TRIM5: variants seen among roughly 807,000 people sequenced by gnomAD.
The protein encoded by TRIM5 is tripartite motif-containing protein 5.
Under a neutral mutation model 35.6 loss-of-function variants are expected in TRIM5, and 31 were observed. The ratio of observed to expected loss-of-function variants is 0.87; its 90% CI spans 0.65 to 1.18. The LOEUF is 1.18. Among genes scored for constraint, TRIM5 ranks in the 50% most tolerant of loss-of-function variants. TRIM5 has a pLI of 0.00. For missense variants in TRIM5, 609 were observed against 591.6 expected (o/e 1.03, Z -0.31); for synonymous variants, 243 against 215.6 (o/e 1.13, Z -1.11).
At chr11:5,641,088 T>C in the TRIM5 span, 1 of 1,491,788 alleles carries the variant, frequency 6.7e-7, no homozygotes, top group South Asian at 1.4e-5. Context: ...CCATTTTTTT[T>C]CCTACTGTTC....
At chr11:5,629,167 C>G in the TRIM5 span, among the ~76,000 whole-genome samples, 1 of 152,148 alleles carries the variant, frequency 6.6e-6, no homozygotes, top group African/African-American at 2.4e-5. Flanking sequence ...ATCCCAGCTA[C>G]TCAGGAGACT....
chr11:5,616,618 C>G, the TRIM5 span, among the ~76,000 whole-genome samples: 16 of 145,250 alleles, frequency 1.1e-4, no homozygotes, highest in South Asian at 3.4e-3. Flanking sequence ...TTTATTTCAA[C>G]CATCTTTTAG....
the TRIM5 span, among the ~76,000 whole-genome samples, chr11:5,602,268 A>G: frequency 2.3e-3 from 310 of 134,706 alleles, no homozygotes; most frequent in African/African-American, 7.0e-3. Context: ...GTGAAACCTC[A>G]TCTCTACTAA....
the TRIM5 span, among the ~76,000 whole-genome samples, chr11:5,622,088 A>C: frequency 8.1e-4 from 123 of 152,312 alleles, no homozygotes; most frequent in African/African-American, 2.9e-3. Context: ...AAAATAACAA[A>C]AAGACATTAA....
the TRIM5 span, among the ~76,000 whole-genome samples, chr11:5,594,930 G>A: frequency 6.6e-6 from 1 of 152,264 alleles, no homozygotes; most frequent in East Asian, 1.9e-4. Context: ...CAATATGGAG[G>A]CAGCCATACC....
chr11:5,608,787 A>G, the TRIM5 span, among the ~76,000 whole-genome samples: 1 of 150,330 alleles, frequency 6.7e-6, no homozygotes, highest in Non-Finnish European at 1.5e-5. Context: ...GCCTGCTTTC[A>G]TCCCTGATTC....
At chr11:5,605,108 G>A in the TRIM5 span, 2 of 578,014 alleles carry the variant, frequency 3.5e-6, no homozygotes, top group African/African-American at 3.7e-5. Flanking sequence ...CACAGTTGAT[G>A]TCTAGATGGC....
chr11:5,683,454 G>A (rs2134145831), intron 1 of TRIM5, among the ~76,000 whole-genome samples: 1 of 152,106 alleles, frequency 6.6e-6, no homozygotes, highest in Admixed American at 6.5e-5. Context: ...CTAGCTCAGG[G>A]TTTGTGAATG....
downstream of TRIM5, among the ~76,000 whole-genome samples, chr11:5,662,927 G>C (rs912194753): frequency 2.6e-5 from 4 of 152,106 alleles, no homozygotes; most frequent in Non-Finnish European, 5.9e-5. Flanking sequence ...CCAGGGCTTC[G>C]GGATCCGCCT....
At chr11:5,670,821 T>G (rs1050348690) in intron 4 of TRIM5, among the ~76,000 whole-genome samples, 1 of 152,148 alleles carries the variant, frequency 6.6e-6, no homozygotes, top group African/African-American at 2.4e-5. Flanking sequence ...AAAAATTATA[T>G]TTTAGCTTTC....
the TRIM5 span, among the ~76,000 whole-genome samples, chr11:5,599,858 GC>G: frequency 2.0e-5 from 3 of 152,182 alleles, no homozygotes; most frequent in Admixed American, 6.5e-5. Flanking sequence ...TAGCTGCAGT[GC>G]TAAGGTCTGG....
At chr11:5,611,632 T>C in the TRIM5 span, 4 of 317,014 alleles carry the variant, frequency 1.3e-5, no homozygotes, top group Admixed American at 1.4e-4. Context: ...TTTTGTATTT[T>C]TATAGAGATA....
At chr11:5,675,823 G>C (rs1295494029) in intron 4 of TRIM5, among the ~76,000 whole-genome samples, 2 of 125,126 alleles carry the variant, frequency 1.6e-5, no homozygotes, top group Non-Finnish European at 3.4e-5. Flanking sequence ...CTAGCATTAG[G>C]TATATCTCCC....
the TRIM5 span, among the ~76,000 whole-genome samples, chr11:5,629,738 C>T: frequency 3.9e-5 from 6 of 152,300 alleles, no homozygotes; most frequent in Admixed American, 2.0e-4. Context: ...GACGGAGTCT[C>T]GCTCTGTCGC....
the TRIM5 span, among the ~76,000 whole-genome samples, chr11:5,629,857 G>A: frequency 1.4e-4 from 22 of 152,066 alleles, no homozygotes; most frequent in African/African-American, 4.6e-4. Context: ...ACAGGCGCCC[G>A]CCGCCACCCC....
downstream of TRIM5, among the ~76,000 whole-genome samples, chr11:5,662,578 A>G (rs1408112538): frequency 1.3e-5 from 2 of 152,236 alleles, no homozygotes; most frequent in East Asian, 3.8e-4. Flanking sequence ...CAAACAGGAA[A>G]AATTTACAAT....
Position 5,664,787 on chromosome 11 carries a change from G to A in TRIM5, c.*22C>T. ...CCTGGACAAGAGGTGCTGTACAGAA[G>A]GGGCTGAGTGTGTAAGAAGGTTCAA... On this transcript the variant is annotated 3_prime_UTR_variant, in exon 8 of 8. Transcript: ENST00000380034. 6.4e-7 allele frequency: 1 copy of A among 1,558,408 alleles called. No individual in the cohort carries two copies. The highest frequency in any genetic ancestry group is 8.6e-7 in the Non-Finnish European group (1 of 1,157,846).
intron 4 of TRIM5, among the ~76,000 whole-genome samples, chr11:5,671,794 T>G (rs1851608162): frequency 7.1e-6 from 1 of 140,166 alleles, no homozygotes; most frequent in Non-Finnish European, 1.5e-5. Context: ...TGCTACATTT[T>G]CAAGTAGAAA....
chr11:5,627,278 G>T, the TRIM5 span, among the ~76,000 whole-genome samples: 1 of 152,056 alleles, frequency 6.6e-6, no homozygotes, highest in African/African-American at 2.4e-5. Flanking sequence ...TACTCGGGAG[G>T]CTGAGGCAAG....
Sources: allele counts gnomAD v4.1 joint callset (sites outside exome capture counted in the v4.1 genomes callset), GRCh38; gene constraint gnomAD v4.1.1; transcripts MANE v1.5; gene names NCBI Gene and HGNC (gene_info 2026-07-23, HGNC 2026-07-21).